The following CHRNA9 variants were observed in gnomAD, a reference collection of about 807,000 sequenced individuals.
CHRNA9 encodes the protein neuronal acetylcholine receptor subunit alpha-9.
In CHRNA9, 24 loss-of-function variants were observed where a neutral mutation model predicts 36.8. The ratio of observed to expected loss-of-function variants is 0.65; its 90% confidence interval spans 0.47 to 0.92. The LOEUF is 0.92. Ranked by LOEUF, CHRNA9 falls within the 40% of genes least tolerant of loss-of-function variation. CHRNA9 has a pLI of 0.00. For missense variants in CHRNA9, 610 were observed against 601.2 expected (o/e 1.01, Z -0.15); for synonymous variants, 231 against 231.8 (o/e 1.00, Z 0.03).
intron 3 of CHRNA9, among the ~76,000 whole-genome samples, chr4:40,340,707 C>A (rs1712474527): frequency 6.6e-6 from 1 of 152,054 alleles, no homozygotes; most frequent in Non-Finnish European, 1.5e-5. Flanking sequence ...CAGGAAGATG[C>A]TTAGCATCTA....
chr4:40,346,437 T>C (rs1399099425), intron 3 of CHRNA9, among the ~76,000 whole-genome samples: 1 of 152,232 alleles, frequency 6.6e-6, no homozygotes, highest in African/African-American at 2.4e-5. Flanking sequence ...GCCATCTATT[T>C]CCTACAGGGA....
chr4:40,343,385 C>G (rs1474069675), intron 3 of CHRNA9, among the ~76,000 whole-genome samples: 1 of 152,204 alleles, frequency 6.6e-6, no homozygotes, highest in African/African-American at 2.4e-5. Flanking sequence ...AAAGTCACAT[C>G]TTACATGGTG....
Position 40,349,101 on chromosome 4 carries a change from T to G in CHRNA9, c.585T>G (p.Ser195=), listed in dbSNP as rs1308430652. The change falls in exon 4 of 5, where the codon TCT becomes TCG. Residue 195 remains serine (S), a synonymous_variant. Coordinates refer to ENST00000310169, the MANE Select transcript of CHRNA9 (RefSeq NM_017581.4). ...IFNALDSGDL[S]DFIEDVEWEV... is the part of the protein sequence containing the mutation. ...ACGCCTTGGACAGCGGAGATCTCTC[T>G]GACTTCATTGAAGATGTGGAATGGG... 6.2e-7 allele frequency: 1 copy of G among 1,614,190 alleles called. No individual in the cohort carries two copies. Among genetic ancestry groups the G allele is most frequent in the East Asian group, 2.2e-5 (1 of 44,882 alleles).
rs746098694 is a variant in CHRNA9, at chr4:40,354,322, C to G, written c.1242C>G (p.Ala414=). 1.2e-6 allele frequency: 2 copies of G among 1,614,058 alleles called. No homozygotes were observed. The highest frequency in any genetic ancestry group is 1.1e-5 in the South Asian group (1 of 91,072). The part of the protein sequence containing the change: ...LGCQGKNPQE[A]ESYCAQYKVL... Reference sequence around the variant, plus strand: ...GCCAGGGTAAGAACCCTCAGGAGGCCGAGAGTTACTGTGCACAGTACAAAG... The same window carrying G: ...GCCAGGGTAAGAACCCTCAGGAGGCGGAGAGTTACTGTGCACAGTACAAAG... The change falls in exon 5 of 5, where the codon GCC becomes GCG. Residue 414 remains alanine (A), a synonymous_variant. Transcript: ENST00000310169.
rs775685200 is a variant in CHRNA9 at position 40,337,211 on chromosome 4, A to G, written c.212A>G (p.Asp71Gly). ...QITLSQIKDM[D>G]ERNQILTAYL... ...GCGACATCTGGATTCATTGTGTAGG[A>G]TGAAAGAAACCAAATTCTGACTGCT... The change falls in exon 3 of 5, where the codon GAT (aspartate) becomes GGT (glycine). Residue 71 changes from aspartate to glycine, a missense_variant and splice_region_variant. Transcript: ENST00000310169. The G allele has an allele frequency of 4.3e-6, 7 of 1,614,148 alleles. No individual in the cohort carries two copies. In the East Asian group the frequency reaches 1.3e-4, roughly 31 times the overall value.
Position 40,349,339 on chromosome 4 carries a change from A to G in CHRNA9, c.823A>G (p.Ile275Val), listed in dbSNP as rs780054102. Residue 275 changes from isoleucine to valine, a missense_variant, in exon 4 of 5, where the codon ATC becomes GTC. By Grantham distance (29) the Ile-to-Val change is conservative. Transcript: ENST00000310169. ...SGEKVSLGVT[I>V]LLAMTVFQLM... ...AGAAAAGGTCTCCCTGGGAGTGACCATCCTGTTGGCCATGACTGTATTTCA... is the reference window on the plus strand; with the variant it reads ...AGAAAAGGTCTCCCTGGGAGTGACCGTCCTGTTGGCCATGACTGTATTTCA... The G allele has an allele frequency of 1.2e-6, 2 of 1,614,116 alleles. No individual in the cohort carries two copies. Among genetic ancestry groups the G allele is most frequent in the Admixed American group, 3.3e-5 (2 of 60,012 alleles).
intron 3 of CHRNA9, among the ~76,000 whole-genome samples, chr4:40,344,551 A>G (rs2109683181): frequency 6.7e-6 from 1 of 149,788 alleles, no homozygotes. Context: ...AAAAAAAAAG[A>G]CATTAGATTT....
At position 40,349,333 on chromosome 4, in the gene CHRNA9, G is replaced by A. The variant is rs969667359; in HGVS notation, c.817G>A (p.Val273Met). 2 of 1,614,022 alleles carry A rather than the reference G, an allele frequency of 1.2e-6. No homozygotes were observed. The highest frequency in any genetic ancestry group is 2.7e-5 in the African/African-American group (2 of 74,924). ...CTCCGGAGAAAAGGTCTCCCTGGGA[G>A]TGACCATCCTGTTGGCCATGACTGT... Reference protein sequence around the residue: ...AASGEKVSLGVTILLAMTVFQ... With the variant: ...AASGEKVSLGMTILLAMTVFQ... The change falls in exon 4 of 5, where the codon GTG becomes ATG. Residue 273 changes from valine (V) to methionine (M), a missense_variant. Transcript: ENST00000310169.
In CHRNA9 at chr4:40,335,943, C is replaced by A. The variant is rs1254333668; in HGVS notation, c.181C>A (p.Gln61Lys). Residue 61 changes from glutamine (Q) to lysine (K), a missense_variant, in exon 2 of 5, where the codon CAG becomes AAG. Gln to Lys is a moderately conservative substitution (Grantham distance 53). Coordinates refer to ENST00000310169, the MANE Select transcript of CHRNA9 (RefSeq NM_017581.4). ...AGATAAAGTCCTGAATGTGACCCTG[C>A]AGATTACGCTCTCTCAGATTAAGGA... ...DTDKVLNVTL[Q>K]ITLSQIKDMD... 2 of 1,612,792 alleles carry A rather than the reference C, an allele frequency of 1.2e-6. No individual in the cohort carries two copies. The highest frequency in any genetic ancestry group is 2.2e-5 in the East Asian group (1 of 44,884).
chr4:40,349,823 G>A (rs766401203), intron 4 of CHRNA9: 28 of 166,158 alleles, frequency 1.7e-4, no homozygotes, highest in Non-Finnish European at 3.0e-4. Flanking sequence ...TGATTCTGAT[G>A]CATTTTCTGT....
At chr4:40,341,926 G>C (rs1292105289) in intron 3 of CHRNA9, among the ~76,000 whole-genome samples, 1 of 152,148 alleles carries the variant, frequency 6.6e-6, no homozygotes, top group East Asian at 1.9e-4. Flanking sequence ...CCTTTTTATA[G>C]AGATGAGGTC....
chr4:40,351,459 A>G (rs1324932356), intron 4 of CHRNA9, among the ~76,000 whole-genome samples: 1 of 152,060 alleles, frequency 6.6e-6, no homozygotes, highest in East Asian at 2.0e-4. Flanking sequence ...TACAGGTGTG[A>G]GCCACCGCAA....
chr4:40,339,662 CAAAA>C (rs756343215), intron 3 of CHRNA9, among the ~76,000 whole-genome samples: 18 of 94,158 alleles, frequency 1.9e-4, no homozygotes, highest in African/African-American at 7.4e-4. Flanking sequence ...GACTCTATCT[CAAAA>C]AAAAAAAAAA....
At chr4:40,339,334 T>C (rs899195835) in intron 3 of CHRNA9, among the ~76,000 whole-genome samples, 1 of 147,882 alleles carries the variant, frequency 6.8e-6, no homozygotes, top group Non-Finnish European at 1.5e-5. Flanking sequence ...ATAATTTCAT[T>C]GACACAGATG....
chr4:40,353,821 T>C (rs1712868911), intron 4 of CHRNA9, among the ~76,000 whole-genome samples, 158 bp from the exon 5 acceptor site: 1 of 152,244 alleles, frequency 6.6e-6, no homozygotes, highest in Admixed American at 6.5e-5. Context: ...CTAGACCATT[T>C]AGGTTTGTGT....
At chr4:40,350,037 G>A (rs1182707718) in intron 4 of CHRNA9, 1 of 152,772 alleles carries the variant, frequency 6.5e-6, no homozygotes, top group African/African-American at 2.4e-5. Context: ...CATATGGTAA[G>A]TACTGAGTAA....
intron 3 of CHRNA9, among the ~76,000 whole-genome samples, chr4:40,345,388 CA>C (rs920619117): frequency 6.6e-6 from 1 of 151,204 alleles, no homozygotes; most frequent in African/African-American, 2.4e-5. Context: ...ATGGTCTCTA[CA>C]AAAAAAATAT....
chr4:40,349,461 G>C, intron 4 of CHRNA9, 47 bp downstream of exon 4: 1 of 1,551,768 alleles, frequency 6.4e-7, no homozygotes, highest in Non-Finnish European at 8.8e-7. Flanking sequence ...GTAGTGCCTG[G>C]GGTCATGCCT....
chr4:40,342,406 A>G (rs1577545949), intron 3 of CHRNA9, among the ~76,000 whole-genome samples: 5 of 152,344 alleles, frequency 3.3e-5, no homozygotes, highest in South Asian at 4.1e-4. Context: ...TTAAAGTCCT[A>G]TAGAACTACT....
Sources: allele counts gnomAD v4.1 joint callset (sites outside exome capture counted in the v4.1 genomes callset), GRCh38; gene constraint gnomAD v4.1.1; transcripts MANE v1.5; gene names NCBI Gene and HGNC (gene_info 2026-07-23, HGNC 2026-07-21).